The following PKHD1L1 variants were observed in gnomAD, a reference collection of about 807,000 sequenced individuals.
The protein encoded by PKHD1L1 is PKHD1 like 1, also known as fibrocystin-L.
A neutral mutation model predicts 462.9 loss-of-function variants in PKHD1L1; 434 were observed. The ratio of observed to expected loss-of-function variants is 0.94; its 90% confidence interval spans 0.87 to 1.02. The LOEUF is 1.02. PKHD1L1 is among the 50% of genes least tolerant of loss of function. The pLI, the probability that PKHD1L1 is intolerant of heterozygous loss-of-function variation, is 0.00. For synonymous variants in PKHD1L1, 1,781 were observed against 1,750.0 expected (o/e 1.02, Z -0.44); for missense variants, 5,202 against 5,096.1 (o/e 1.02, Z -0.63).
At chr8:109,464,173 A>C in intron 48 of PKHD1L1, 43 bp from the exon 49 acceptor site, 1 of 1,366,572 alleles carries the variant, frequency 7.3e-7, no homozygotes, top group Non-Finnish European at 9.7e-7. Flanking sequence ...TGAGCTCAAC[A>C]TCTGAGCTAT....
chr8:109,490,519 C>T (rs901143155), intron 60 of PKHD1L1, among the ~76,000 whole-genome samples: 1 of 151,628 alleles, frequency 6.6e-6, no homozygotes, highest in Admixed American at 6.6e-5. Context: ...ACAAAATAAT[C>T]TGTAGGTTTA....
At chr8:109,386,973 T>C (rs965847946) in intron 6 of PKHD1L1, among the ~76,000 whole-genome samples, 1 of 152,178 alleles carries the variant, frequency 6.6e-6, no homozygotes, top group Non-Finnish European at 1.5e-5. Context: ...TTGGAAATCC[T>C]GAGCTATTAT....
intron 2 of PKHD1L1, among the ~76,000 whole-genome samples, chr8:109,378,125 T>C (rs1042837765): frequency 1.3e-5 from 2 of 152,226 alleles, no homozygotes; most frequent in African/African-American, 4.8e-5. Flanking sequence ...TCTCTGCTCC[T>C]GTTTGTAATT....
At position 109,381,519 on chromosome 8, in the gene PKHD1L1, G is replaced by C. The variant is rs764625207; in HGVS notation, c.308+5G>C. 5 of 1,541,276 alleles carry C rather than the reference G, an allele frequency of 3.2e-6. No individual in the cohort carries two copies. ...TCAAATTACATGCTATACTAGGTCT[G>C]TTTTAAAGTATCTTTAATAAAATCA... On this transcript the variant is annotated splice_donor_5th_base_variant and intron_variant, in intron 3 of 77. Coordinates refer to ENST00000378402, the MANE Select transcript of PKHD1L1 (RefSeq NM_177531.6).
At chr8:109,365,040 A>G (rs1811162439) in intron 2 of PKHD1L1, among the ~76,000 whole-genome samples, 1 of 152,226 alleles carries the variant, frequency 6.6e-6, no homozygotes, top group Non-Finnish European at 1.5e-5. Flanking sequence ...TGTTAATGAA[A>G]GAGGAAAGGC....
intron 24 of PKHD1L1, among the ~76,000 whole-genome samples, chr8:109,425,435 T>C (rs572995377): frequency 4.0e-5 from 6 of 151,898 alleles, no homozygotes; most frequent in Non-Finnish European, 8.8e-5. Flanking sequence ...TTAGGGTCAA[T>C]TAATAGCCAA....
rs373301913 is a variant in PKHD1L1, at chr8:109,491,928, G to A, written c.10170G>A (p.Ser3390=). The A allele has an allele frequency of 1.7e-5, 27 of 1,603,556 alleles. No individual in the cohort carries two copies. Among genetic ancestry groups the A allele is most frequent in the Admixed American group, 5.1e-5 (3 of 59,390 alleles). Residue 3390 remains serine (S), a synonymous_variant, in exon 62 of 78, where the codon TCG becomes TCA. Coordinates refer to ENST00000378402, the MANE Select transcript of PKHD1L1 (RefSeq NM_177531.6). The stretch of plus-strand genomic sequence containing the variant: ...TCCGAGGGAATTTGATTGCACTTTC[G>A]GTTTGGCCAGGAACCTATCAGAACA... ...NRVRGNLIAL[S]VWPGTYQNRK...
chr8:109,415,495 C>G lies in PKHD1L1; in HGVS notation c.2360+1950C>G, dbSNP rs1283510834. Among the ~76,000 whole-genome samples the G allele has an allele frequency of 8.5e-5, 13 of 152,184 alleles. No individual in the cohort carries two copies. The East Asian group carries it at 2.5e-3, about 29-fold the overall frequency. ...GCCAGGGTGTAGACCTGGAGGTGCT[C>G]CAGCAAAGCTAGGTCCCCGGACTCT... On this transcript the variant is annotated intron_variant, in intron 21 of 77. Coordinates refer to ENST00000378402, the MANE Select transcript of PKHD1L1 (RefSeq NM_177531.6).
chr8:109,383,407 AATTATAT>A (rs1361878513), intron 4 of PKHD1L1, among the ~76,000 whole-genome samples: 3 of 119,844 alleles, frequency 2.5e-5, no homozygotes, highest in African/African-American at 6.5e-5. Flanking sequence ...TATTACGTAT[AATTATAT>A]ATTATATATA....
intron 35 of PKHD1L1, 56 bp from the exon 36 acceptor site, chr8:109,442,890 T>C: frequency 6.6e-7 from 1 of 1,525,558 alleles, no homozygotes; most frequent in Non-Finnish European, 9.1e-7. Context: ...TTCAGTCTCT[T>C]TTCAAATATG....
At chr8:109,438,733 G>T (rs1815590094) in intron 31 of PKHD1L1, among the ~76,000 whole-genome samples, 164 bp from the exon 32 acceptor site, 1 of 151,682 alleles carries the variant, frequency 6.6e-6, no homozygotes, top group African/African-American at 2.4e-5. Context: ...TCCCTCTGTG[G>T]CTGTTACCAA....
rs1207348689 is a variant in PKHD1L1 at position 109,508,078 on chromosome 8, T to C, written c.11228-19T>C. 6.3e-7 allele frequency: 1 copy of C among 1,577,654 alleles called. No individual in the cohort carries two copies. Among genetic ancestry groups the C allele is most frequent in the Non-Finnish European group, 8.6e-7 (1 of 1,164,998 alleles). ...GAGATTCTGTATTATTGCTAAAATA[T>C]ATATACATATGTTTCTAGGAATTAT... is the stretch of plus-strand genomic sequence containing the variant. On this transcript the variant is annotated intron_variant, in intron 69 of 77. Transcript: ENST00000378402.
chr8:109,388,475 T>TC, intron 6 of PKHD1L1, 22 bp from the exon 7 acceptor site: 5 of 1,472,824 alleles, frequency 3.4e-6, no homozygotes, highest in Non-Finnish European at 4.6e-6. Context: ...CTTGATTTTT[T>TC]CTAATAAAAA....
rs770675038 is a variant in PKHD1L1 at position 109,440,852 on chromosome 8, G to A, written c.4099G>A (p.Gly1367Arg). ...ACCAGCTGAGAATACCGTGCTGTTA[G>A]GTAAGAGCTTCATTCATAGGAAAGT... ...TIPAENTVLL[G>R]SIPCNVTSSS... Residue 1367 changes from glycine (G) to arginine (R), a missense_variant and splice_region_variant, in exon 33 of 78, where the codon GGG (glycine) becomes AGG (arginine). Transcript: ENST00000378402. 12 of 1,611,176 alleles carry A rather than the reference G, an allele frequency of 7.4e-6. No homozygotes were observed. The highest frequency in any genetic ancestry group is 1.3e-5 in the African/African-American group (1 of 74,910).
At chr8:109,437,306 G>A (rs973168) in intron 30 of PKHD1L1, among the ~76,000 whole-genome samples, 152,349 of 152,372 alleles carry the variant, frequency 1, 76,163 homozygotes, top group Middle Eastern at 1. Context: ...GGAATATTGT[G>A]TCTTAGAATC....
intron 45 of PKHD1L1, among the ~76,000 whole-genome samples, chr8:109,455,453 T>C (rs1816766765): frequency 6.6e-6 from 1 of 152,206 alleles, no homozygotes; most frequent in Non-Finnish European, 1.5e-5. Context: ...CCCTTTTCCA[T>C]GAGCCTCCAG....
Position 109,532,187 on chromosome 8 carries a change from C to G in PKHD1L1, c.*2097C>G, listed in dbSNP as rs1821056307. 6.6e-6 allele frequency among the ~76,000 whole-genome samples: 1 copy of G among 152,134 alleles called. No homozygotes were observed. The highest frequency in any genetic ancestry group is 1.5e-5 in the Non-Finnish European group (1 of 68,020). On this transcript the variant is annotated 3_prime_UTR_variant, in exon 78 of 78. Coordinates refer to ENST00000378402, the MANE Select transcript of PKHD1L1 (RefSeq NM_177531.6). The stretch of plus-strand genomic sequence containing the variant: ...TGTCAGTTTTTAATAAGGAAATTTT[C>G]TAATACAAGTTATATGGCAGTAAAA...
intron 77 of PKHD1L1, among the ~76,000 whole-genome samples, chr8:109,528,312 GC>G (rs1820916478): frequency 6.6e-6 from 1 of 152,066 alleles, no homozygotes; most frequent in East Asian, 1.9e-4. Context: ...ATACTTCTCC[GC>G]CCGCAGTTAA....
chr8:109,390,716 A>C (rs1010517616), intron 9 of PKHD1L1, among the ~76,000 whole-genome samples: 2 of 152,168 alleles, frequency 1.3e-5, no homozygotes, highest in African/African-American at 4.8e-5. Flanking sequence ...AAATAACATA[A>C]AAATCTTTAC....
Sources: gnomAD v4.1 joint callset for allele counts (sites outside exome capture counted in the v4.1 genomes callset) on GRCh38, gnomAD v4.1.1 for gene constraint, MANE v1.5 for transcripts, NCBI Gene and HGNC (gene_info 2026-07-23, HGNC 2026-07-21) for gene names.